UST: variants seen among roughly 807,000 people sequenced by gnomAD.
UST encodes the protein uronyl 2-sulfotransferase, also known as chondroitin sulfate 2-O-sulfotransferase.
A neutral mutation model predicts 45.6 loss-of-function variants in UST; 21 were observed. The observed-to-expected ratio is 0.46, with a 90% CI of 0.33 to 0.66. The LOEUF (loss-of-function observed/expected upper bound fraction) is 0.66. Among genes scored for constraint, UST ranks in the 30% least tolerant of loss-of-function variants. The probability of loss-of-function intolerance (pLI) is 0.02; values close to 1 mark genes in which losing one functional copy is unlikely to be tolerated. For synonymous variants in UST, 215 were observed against 200.6 expected (o/e 1.07, Z -0.61); for missense variants, 463 against 512.4 (o/e 0.90, Z 0.93).
intron 1 of UST, among the ~76,000 whole-genome samples, chr6:148,845,851 C>T (rs1777976575): frequency 6.6e-6 from 1 of 152,044 alleles, no homozygotes; most frequent in African/African-American, 2.4e-5. Flanking sequence ...AAAAAATGCT[C>T]ATCATCACTG....
chr6:148,955,615 G>A (rs569264451), intron 4 of UST: 2 of 152,216 alleles, frequency 1.3e-5, no homozygotes, highest in African/African-American at 2.4e-5. Context: ...ATTCCAGAAG[G>A]CCACATGCAT....
At chr6:149,029,787 C>T (rs1220589142) in intron 7 of UST, among the ~76,000 whole-genome samples, 1 of 151,442 alleles carries the variant, frequency 6.6e-6, no homozygotes, top group Admixed American at 6.6e-5. Flanking sequence ...GGTTCATTTA[C>T]CATCGATATT....
chr6:149,058,105 G>A (rs1446701319), intron 7 of UST, among the ~76,000 whole-genome samples: 1 of 152,130 alleles, frequency 6.6e-6, no homozygotes, highest in African/African-American at 2.4e-5. Flanking sequence ...AACTTCCCAA[G>A]GGCTTTCTGA....
intron 3 of UST, among the ~76,000 whole-genome samples, chr6:148,944,456 G>A (rs944134361): frequency 6.7e-6 from 1 of 149,304 alleles, no homozygotes; most frequent in Non-Finnish European, 1.5e-5. Context: ...CACCTCTCTG[G>A]GCCACAGTCA....
chr6:148,989,023 A>G (rs1488549306), intron 5 of UST, among the ~76,000 whole-genome samples: 1 of 152,202 alleles, frequency 6.6e-6, no homozygotes, highest in African/African-American at 2.4e-5. Flanking sequence ...TCAGAAATGC[A>G]GGAACCTCAG....
At chr6:148,766,981 C>T (rs1029401439) in intron 1 of UST, among the ~76,000 whole-genome samples, 8 of 152,216 alleles carry the variant, frequency 5.3e-5, no homozygotes, top group African/African-American at 1.7e-4. Context: ...ATCTCTCAAA[C>T]TTTAATGTGC....
intron 7 of UST, among the ~76,000 whole-genome samples, chr6:149,029,094 A>G (rs954307691): frequency 6.6e-6 from 1 of 152,078 alleles, no homozygotes; most frequent in African/African-American, 2.4e-5. Flanking sequence ...GGGAGTTTAC[A>G]TAACGCTTGA....
At chr6:148,803,531 C>T (rs942003543) in intron 1 of UST, among the ~76,000 whole-genome samples, 11 of 152,126 alleles carry the variant, frequency 7.2e-5, no homozygotes, top group Non-Finnish European at 1.2e-4. Flanking sequence ...AATTATCTCC[C>T]GTAGGTTTCT....
chr6:148,949,538 C>T (rs1334089958), intron 3 of UST, among the ~76,000 whole-genome samples: 2 of 151,846 alleles, frequency 1.3e-5, no homozygotes, highest in East Asian at 3.9e-4. Flanking sequence ...GTGTTATGTC[C>T]TGGATGTTAT....
intron 7 of UST, among the ~76,000 whole-genome samples, chr6:149,068,890 G>A (rs181103493): frequency 3.3e-5 from 5 of 152,092 alleles, no homozygotes; most frequent in South Asian, 4.1e-4. Flanking sequence ...TCTTCAGCCC[G>A]CTCTCCAACC....
intron 1 of UST, among the ~76,000 whole-genome samples, chr6:148,773,385 C>T (rs571889893): frequency 2.6e-5 from 4 of 151,528 alleles, no homozygotes; most frequent in South Asian, 2.1e-4. Flanking sequence ...CGCTTGAACC[C>T]GGGAAGTAGA....
intron 4 of UST, among the ~76,000 whole-genome samples, chr6:148,963,603 G>A (rs923625077): frequency 3.9e-5 from 6 of 152,152 alleles, no homozygotes; most frequent in Non-Finnish European, 7.3e-5. Flanking sequence ...CATCACTTGA[G>A]GATAATTATG....
chr6:148,872,817 G>A (rs78280800), intron 1 of UST, among the ~76,000 whole-genome samples: 1,655 of 152,176 alleles, frequency 0.011, 31 homozygotes, highest in African/African-American at 0.037. Flanking sequence ...ATCCTCCAGC[G>A]TCACATCTCT....
intron 5 of UST, among the ~76,000 whole-genome samples, chr6:149,014,740 A>C (rs1775868747): frequency 6.6e-6 from 1 of 152,198 alleles, no homozygotes; most frequent in Non-Finnish European, 1.5e-5. Flanking sequence ...TGAATTACCT[A>C]ATACACAGAC....
intron 1 of UST, among the ~76,000 whole-genome samples, chr6:148,870,482 C>T (rs1480860735): frequency 6.6e-6 from 1 of 152,216 alleles, no homozygotes; most frequent in Non-Finnish European, 1.5e-5. Context: ...ACATCTTTAA[C>T]TTAGACTCAC....
Position 148,945,741 on chromosome 6 carries a change from G to A in UST, c.447+4307G>A, listed in dbSNP as rs118104853. On this transcript the variant is annotated intron_variant, in intron 3 of 7. Transcript: ENST00000367463. ...ACTGTTTGACTGGATTTCACCTAGC[G>A]TTTTTGCAGTCTTCATTGTTCAGGG... Among the ~76,000 whole-genome samples, 48 of 152,282 alleles carry A rather than the reference G, an allele frequency of 3.2e-4. No homozygotes were observed. The East Asian group carries it at 8.7e-3, about 28-fold the overall frequency.
At chr6:148,879,161 C>T (rs1778778792) in intron 1 of UST, among the ~76,000 whole-genome samples, 1 of 152,152 alleles carries the variant, frequency 6.6e-6, no homozygotes, top group Admixed American at 6.5e-5. Context: ...CCCAGGCAAC[C>T]TGTGAGCTAG....
intron 5 of UST, among the ~76,000 whole-genome samples, chr6:148,983,728 A>G (rs893113991): frequency 3.3e-5 from 5 of 152,224 alleles, no homozygotes; most frequent in Non-Finnish European, 7.3e-5. Flanking sequence ...TCTGAAACAA[A>G]ATGATAAAAC....
At chr6:148,986,275 T>A (rs1380829326) in intron 5 of UST, among the ~76,000 whole-genome samples, 1 of 152,184 alleles carries the variant, frequency 6.6e-6, no homozygotes, top group African/African-American at 2.4e-5. Context: ...ATATGTAATA[T>A]CTCATTTAAT....
Sources: gnomAD v4.1 joint callset for allele counts (sites outside exome capture counted in the v4.1 genomes callset) on GRCh38, gnomAD v4.1.1 for gene constraint, MANE v1.5 for transcripts, NCBI Gene and HGNC (gene_info 2026-07-23, HGNC 2026-07-21) for gene names.